Variants in LCLAT1 observed in about 807,000 individuals in gnomAD.
LCLAT1 encodes the protein lysocardiolipin acyltransferase 1.
Under a neutral mutation model 30.7 loss-of-function variants are expected in LCLAT1, and 11 were observed. The ratio of observed to expected loss-of-function variants is 0.36; its 90% CI spans 0.23 to 0.59. LCLAT1 has a LOEUF of 0.59. Ranked by LOEUF, LCLAT1 falls within the 20% of genes least tolerant of loss-of-function variation. The pLI, the probability that LCLAT1 is intolerant of heterozygous loss-of-function variation, is 0.77. For synonymous variants in LCLAT1, 155 were observed against 151.3 expected, an observed-to-expected ratio of 1.02 and a Z score of -0.18; for missense variants, 402 against 458.6, an observed-to-expected ratio of 0.88 and a Z score of 1.13.
chr2:30,471,181 G>A (rs62139585), intron 1 of LCLAT1, among the ~76,000 whole-genome samples: 38,353 of 150,696 alleles, frequency 0.25, 5,479 homozygotes, highest in Non-Finnish European at 0.33. Flanking sequence ...CAAAGTGCTG[G>A]GATTACTGGC....
chr2:30,624,715 CAG>C (rs1415891256), intron 5 of LCLAT1, among the ~76,000 whole-genome samples: 1 of 152,134 alleles, frequency 6.6e-6, no homozygotes, highest in Non-Finnish European at 1.5e-5. Flanking sequence ...GTCATCAAGA[CAG>C]AAAGTCAACA....
At chr2:30,539,706 A>G (rs1177709919) in intron 3 of LCLAT1, among the ~76,000 whole-genome samples, 1 of 152,218 alleles carries the variant, frequency 6.6e-6, no homozygotes, top group African/African-American at 2.4e-5. Flanking sequence ...TAGATGTCAA[A>G]AAAATTTTCA....
intron 5 of LCLAT1, among the ~76,000 whole-genome samples, chr2:30,611,002 T>C (rs528409853): frequency 6.6e-6 from 1 of 151,954 alleles, no homozygotes; most frequent in African/African-American, 2.4e-5. Flanking sequence ...TTTTTTTCAC[T>C]TCTTCCTTGA....
intron 5 of LCLAT1, among the ~76,000 whole-genome samples, chr2:30,593,646 C>G (rs988919549): frequency 2.0e-5 from 3 of 152,106 alleles, no homozygotes; most frequent in Non-Finnish European, 4.4e-5. Flanking sequence ...GGTAATACTA[C>G]TAGCACTTTT....
intron 5 of LCLAT1, among the ~76,000 whole-genome samples, chr2:30,577,554 C>T (rs1666049927): frequency 1.3e-5 from 2 of 152,094 alleles, no homozygotes; most frequent in Admixed American, 1.3e-4. Context: ...GTTCACTCAT[C>T]TCTTTTTCAT....
intron 5 of LCLAT1, among the ~76,000 whole-genome samples, chr2:30,625,412 G>A (rs2593445): frequency 0.092 from 14,036 of 152,134 alleles, 674 homozygotes; most frequent in African/African-American, 0.1. Flanking sequence ...ATTACAACCA[G>A]GGCCATGGAA....
At chr2:30,504,715 C>T (rs1684573391) in intron 1 of LCLAT1, among the ~76,000 whole-genome samples, 1 of 152,116 alleles carries the variant, frequency 6.6e-6, no homozygotes, top group Non-Finnish European at 1.5e-5. Context: ...TTTCTCTCTC[C>T]CTTCTTTCCT....
chr2:30,496,838 G>T (rs1347587973), intron 1 of LCLAT1, among the ~76,000 whole-genome samples: 1 of 152,134 alleles, frequency 6.6e-6, no homozygotes, highest in Non-Finnish European at 1.5e-5. Flanking sequence ...CTTCAGCCCT[G>T]TCTCCACCTA....
intron 5 of LCLAT1, among the ~76,000 whole-genome samples, chr2:30,601,697 G>T (rs13388701): frequency 0.13 from 19,308 of 151,910 alleles, 1,363 homozygotes; most frequent in South Asian, 0.23. Flanking sequence ...ATGTTTTAAT[G>T]AAAGCACTTT....
chr2:30,498,457 G>C (rs978455176), intron 1 of LCLAT1, among the ~76,000 whole-genome samples: 1 of 152,202 alleles, frequency 6.6e-6, no homozygotes, highest in African/African-American at 2.4e-5. Context: ...ATGCCAAGGA[G>C]AGAGAAATGT....
intron 1 of LCLAT1, 179 bp downstream of exon 1, chr2:30,447,562 G>C (rs1334207635): frequency 6.6e-6 from 1 of 152,458 alleles, no homozygotes; most frequent in Non-Finnish European, 1.5e-5. Flanking sequence ...TCCCGGTGCA[G>C]GTGGCGGTAG....
At chr2:30,594,595 A>C (rs1263950340) in intron 5 of LCLAT1, among the ~76,000 whole-genome samples, 1 of 152,228 alleles carries the variant, frequency 6.6e-6, no homozygotes, top group Non-Finnish European at 1.5e-5. Flanking sequence ...GTATACACAC[A>C]TCTTCACAAC....
intron 5 of LCLAT1, among the ~76,000 whole-genome samples, chr2:30,626,753 A>G (rs1407485088): frequency 1.3e-5 from 2 of 151,514 alleles, no homozygotes; most frequent in African/African-American, 4.8e-5. Context: ...CTCTTTAGTA[A>G]TGAAGCATGT....
intron 5 of LCLAT1, among the ~76,000 whole-genome samples, chr2:30,610,730 G>GAATC (rs1483162683): frequency 6.6e-6 from 1 of 152,102 alleles, no homozygotes; most frequent in Non-Finnish European, 1.5e-5. Flanking sequence ...TTGGGTTTGG[G>GAATC]AATCAATTTT....
At chr2:30,496,697 CTA>C (rs140718656) in intron 1 of LCLAT1, among the ~76,000 whole-genome samples, 2,028 of 152,288 alleles carry the variant, frequency 0.013, 34 homozygotes, top group African/African-American at 0.046. Context: ...TCCTCCCTCT[CTA>C]GAGTTATAAA....
intron 1 of LCLAT1, among the ~76,000 whole-genome samples, chr2:30,518,603 C>T (rs373420664): frequency 1.6e-4 from 24 of 152,312 alleles, no homozygotes; most frequent in African/African-American, 4.8e-4. Context: ...AGAAGCCCAA[C>T]GGACAGTGGA....
intron 1 of LCLAT1, among the ~76,000 whole-genome samples, chr2:30,515,747 G>T (rs553269360): frequency 2.0e-5 from 3 of 152,136 alleles, no homozygotes; most frequent in Non-Finnish European, 4.4e-5. Context: ...TACAAAGAAT[G>T]CACAAAACAT....
chr2:30,586,130 G>T (rs1328595961), intron 5 of LCLAT1, among the ~76,000 whole-genome samples: 1 of 151,228 alleles, frequency 6.6e-6, no homozygotes, highest in Non-Finnish European at 1.5e-5. Flanking sequence ...TGTAGTCCCA[G>T]CTACTCCAGA....
intron 5 of LCLAT1, among the ~76,000 whole-genome samples, chr2:30,631,584 G>A (rs1668774374): frequency 6.6e-6 from 1 of 152,138 alleles, no homozygotes; most frequent in Admixed American, 6.5e-5. Flanking sequence ...ATCCAGTAGA[G>A]GTCAATGTTT....
Sources: gnomAD v4.1 joint callset for allele counts (sites outside exome capture counted in the v4.1 genomes callset) on GRCh38, gnomAD v4.1.1 for gene constraint, MANE v1.5 for transcripts, NCBI Gene and HGNC (gene_info 2026-07-23, HGNC 2026-07-21) for gene names.